CFAP54: variants seen among roughly 807,000 people sequenced by gnomAD.
CFAP54 encodes cilia- and flagella-associated protein 54.
CFAP54 carries 290 observed loss-of-function variants against 370.4 expected under a neutral mutation model. The ratio of observed to expected loss-of-function variants is 0.78; its 90% CI spans 0.71 to 0.86. The LOEUF (loss-of-function observed/expected upper bound fraction) is 0.86. CFAP54 is among the 40% of genes least tolerant of loss of function. The probability of loss-of-function intolerance (pLI) is 0.00; values close to 1 mark genes in which losing one functional copy is unlikely to be tolerated. For synonymous variants in CFAP54, 1,206 were observed against 1,236.5 expected, an observed-to-expected ratio of 0.98 and a Z score of 0.52; for missense variants, 3,399 against 3,528.7, an observed-to-expected ratio of 0.96 and a Z score of 0.93.
chr12:96,541,358 T>C (rs1351283029), intron 14 of CFAP54, among the ~76,000 whole-genome samples: 6 of 149,526 alleles, frequency 4.0e-5, no homozygotes, highest in Non-Finnish European at 8.9e-5. Flanking sequence ...CAATCTCAGC[T>C]CACTGCAACC....
intron 55 of CFAP54, among the ~76,000 whole-genome samples, chr12:96,748,150 G>A (rs776769525): frequency 6.6e-6 from 1 of 151,810 alleles, no homozygotes; most frequent in Non-Finnish European, 1.5e-5. Context: ...TCCCTCATAG[G>A]CCATCCCCAA....
At chr12:96,650,483 A>G (rs1305108544) in intron 35 of CFAP54, among the ~76,000 whole-genome samples, 1 of 152,054 alleles carries the variant, frequency 6.6e-6, no homozygotes, top group Non-Finnish European at 1.5e-5. Context: ...ACAGGGAAAG[A>G]TCTTTCTAGG....
At position 96,539,674 on chromosome 12, in the gene CFAP54, C is replaced by CA. The variant is rs572121392; in HGVS notation, c.1927-1155dup. On this transcript the variant is annotated intron_variant, in intron 13 of 67. Transcript: ENST00000524981. Reference sequence around the variant, plus strand: ...TGGACAACAGAGTGAAACTCTGTCTCAAAAAAAATAAATAAAAATAAAAAA... The same window carrying CA: ...TGGACAACAGAGTGAAACTCTGTCTCAAAAAAAAATAAATAAAAATAAAAAA... 3.0e-3 allele frequency among the ~76,000 whole-genome samples: 446 copies of CA among 150,890 alleles called. 1 individual carries two copies. Among genetic ancestry groups the CA allele is most frequent in the Middle Eastern group, 0.017 (5 of 294 alleles).
chr12:96,809,662 A>T (rs11108702), intron 63 of CFAP54, among the ~76,000 whole-genome samples: 50,705 of 151,770 alleles, frequency 0.33, 8,745 homozygotes, highest in South Asian at 0.54. Flanking sequence ...CTGTCTAGTG[A>T]CTCTTGACTG....
intron 58 of CFAP54, among the ~76,000 whole-genome samples, chr12:96,761,076 C>T (rs1958330992): frequency 6.6e-6 from 1 of 152,202 alleles, no homozygotes; most frequent in Non-Finnish European, 1.5e-5. Context: ...ATTTTACATC[C>T]TTACCAGCAG....
intron 42 of CFAP54, among the ~76,000 whole-genome samples, chr12:96,688,036 C>T (rs1957346403): frequency 1.3e-5 from 2 of 151,510 alleles, no homozygotes; most frequent in African/African-American, 4.9e-5. Flanking sequence ...TTCTCCCCGC[C>T]CTGTAAAATA....
chr12:96,771,476 C>A (rs562654741), intron 60 of CFAP54, among the ~76,000 whole-genome samples: 2 of 152,296 alleles, frequency 1.3e-5, no homozygotes, highest in South Asian at 4.1e-4. Context: ...CACGGTGAAA[C>A]CCCGTCTCTA....
At chr12:96,704,574 CTT>C (rs1209556357) in intron 46 of CFAP54, among the ~76,000 whole-genome samples, 167 bp from the exon 47 acceptor site, 1 of 141,190 alleles carries the variant, frequency 7.1e-6, no homozygotes, top group East Asian at 2.1e-4. Context: ...AAGAAGTTGA[CTT>C]ATGTATGATT....
intron 25 of CFAP54, among the ~76,000 whole-genome samples, chr12:96,596,973 A>G (rs1047439582): frequency 1.3e-5 from 2 of 152,098 alleles, no homozygotes; most frequent in Non-Finnish European, 2.9e-5. Flanking sequence ...ATGTAATATC[A>G]CTGGCAGGAT....
chr12:96,771,389 A>G (rs1741862416), intron 60 of CFAP54, among the ~76,000 whole-genome samples: 1 of 152,264 alleles, frequency 6.6e-6, no homozygotes, highest in South Asian at 2.1e-4. Context: ...GCAGTGGCTC[A>G]CGCCTGTAAT....
rs117400865 is a variant in CFAP54, at chr12:96,848,084, G to A, written c.9172-12735G>A. On this transcript the variant is annotated intron_variant, in intron 66 of 67. Transcript: ENST00000524981. Reference sequence around the variant, plus strand: ...AATAATGTTATTTTTGTTTTGTTTCGTTTTGTTTTTGAGACGGTGTCTTGC... The same window carrying A: ...AATAATGTTATTTTTGTTTTGTTTCATTTTGTTTTTGAGACGGTGTCTTGC... Among the ~76,000 whole-genome samples, 474 of 151,820 alleles carry A rather than the reference G, an allele frequency of 3.1e-3. 1 individual carries two copies. The highest frequency in any genetic ancestry group is 4.4e-3 in the Non-Finnish European group (302 of 67,932).
chr12:96,573,029 T>A, intron 19 of CFAP54: 4 of 985,430 alleles, frequency 4.1e-6, no homozygotes, highest in Non-Finnish European at 4.8e-6. Context: ...CCAGAGAGGC[T>A]GGCTGGTCAG....
At chr12:96,729,704 C>T (rs1042492906) in intron 50 of CFAP54, among the ~76,000 whole-genome samples, 4 of 152,186 alleles carry the variant, frequency 2.6e-5, no homozygotes, top group Non-Finnish European at 1.5e-5. Flanking sequence ...CTGTCCTGCG[C>T]CCACTGTCTG....
chr12:96,571,268 A>G (rs1177281416), intron 19 of CFAP54, among the ~76,000 whole-genome samples: 1 of 152,230 alleles, frequency 6.6e-6, no homozygotes, highest in Non-Finnish European at 1.5e-5. Flanking sequence ...AAGGGAAACT[A>G]TACGCAGAGA....
At chr12:96,669,866 A>T (rs1957124560) in intron 39 of CFAP54, among the ~76,000 whole-genome samples, 1 of 152,140 alleles carries the variant, frequency 6.6e-6, no homozygotes, top group Admixed American at 6.5e-5. Context: ...AAGGGTTTGG[A>T]TGAGGTCACC....
chr12:96,601,898 A>G (rs1956246771), intron 26 of CFAP54, among the ~76,000 whole-genome samples: 3 of 152,084 alleles, frequency 2.0e-5, no homozygotes. Flanking sequence ...TGATCTTTTC[A>G]AAAAACGAGC....
At chr12:96,631,891 A>T (rs1026021430) in intron 32 of CFAP54, among the ~76,000 whole-genome samples, 1 of 151,770 alleles carries the variant, frequency 6.6e-6, no homozygotes, top group Admixed American at 6.6e-5. Context: ...GGGTAAATAC[A>T]CAGCGTTGCG....
At chr12:96,597,109 T>C (rs149374310) in intron 25 of CFAP54, among the ~76,000 whole-genome samples, 239 of 152,230 alleles carry the variant, frequency 1.6e-3, no homozygotes, top group African/African-American at 5.6e-3. Context: ...TTAAATCTAA[T>C]TTTAAGCAAG....
intron 17 of CFAP54, among the ~76,000 whole-genome samples, chr12:96,561,038 A>G (rs550306283): frequency 9.9e-5 from 15 of 152,228 alleles, no homozygotes; most frequent in Non-Finnish European, 1.9e-4. Flanking sequence ...GTCACTTGCC[A>G]TCATTGTTCT....
Sources: allele counts gnomAD v4.1 joint callset (sites outside exome capture counted in the v4.1 genomes callset), GRCh38; gene constraint gnomAD v4.1.1; transcripts MANE v1.5; gene names NCBI Gene and HGNC (gene_info 2026-07-23, HGNC 2026-07-21).